Variants in PPP4R3B observed in about 807,000 individuals in gnomAD.
The protein encoded by PPP4R3B is serine/threonine-protein phosphatase 4 regulatory subunit 3B.
A neutral mutation model predicts 95.4 loss-of-function variants in PPP4R3B; 52 were observed. That is an observed-to-expected ratio of 0.54 (90% CI 0.44 to 0.69). The LOEUF (loss-of-function observed/expected upper bound fraction) is 0.69. Among genes scored for constraint, PPP4R3B ranks in the 30% least tolerant of loss-of-function variants. PPP4R3B has a pLI of 0.00. For missense variants in PPP4R3B, 1,003 were observed against 1,005.9 expected (o/e 1.00, Z 0.04); for synonymous variants, 407 against 343.9 (o/e 1.18, Z -2.03).
chr2:55,595,196 G>C (rs533245625), intron 4 of PPP4R3B, among the ~76,000 whole-genome samples: 2 of 151,738 alleles, frequency 1.3e-5, no homozygotes, highest in African/African-American at 4.8e-5. Context: ...GCTAATTTTT[G>C]TATTTTTAGT....
intron 3 of PPP4R3B, among the ~76,000 whole-genome samples, chr2:55,599,869 C>T (rs1376246005): frequency 6.6e-6 from 1 of 152,184 alleles, no homozygotes; most frequent in African/African-American, 2.4e-5. Context: ...CTTCCTCTAA[C>T]ATTTCTCCAT....
chr2:55,610,641 C>G (rs894352681), intron 2 of PPP4R3B, among the ~76,000 whole-genome samples: 1 of 152,164 alleles, frequency 6.6e-6, no homozygotes, highest in East Asian at 1.9e-4. Context: ...GCTGTATAAT[C>G]TCAGTCAAGA....
chr2:55,603,717 T>G (rs1420312500), intron 3 of PPP4R3B, among the ~76,000 whole-genome samples: 2 of 152,214 alleles, frequency 1.3e-5, no homozygotes, highest in East Asian at 1.9e-4. Context: ...TTAAAGTACT[T>G]GCCATTTTAC....
At chr2:55,615,358 TTTC>T in intron 2 of PPP4R3B, 90 bp downstream of exon 2, 1 of 942,374 alleles carries the variant, frequency 1.1e-6, no homozygotes, top group Non-Finnish European at 1.6e-6. Context: ...AACATGTTTT[TTTC>T]TTGTCAGGAA....
chr2:55,574,563 T>C (rs915137583), intron 11 of PPP4R3B, among the ~76,000 whole-genome samples: 5 of 152,148 alleles, frequency 3.3e-5, no homozygotes, highest in African/African-American at 4.8e-5. Context: ...TTTTGGCTGT[T>C]TGAATATCAA....
At chr2:55,589,175 T>G (rs370206882) in intron 4 of PPP4R3B, among the ~76,000 whole-genome samples, 37 of 152,286 alleles carry the variant, frequency 2.4e-4, no homozygotes, top group African/African-American at 8.4e-4. Context: ...ACTAAAAACC[T>G]CAACTACAAA....
chr2:55,592,043 CTG>C (rs1017521585), intron 4 of PPP4R3B, among the ~76,000 whole-genome samples: 2 of 152,012 alleles, frequency 1.3e-5, no homozygotes, highest in Admixed American at 1.3e-4. Flanking sequence ...TAAAAAAACA[CTG>C]TGGGGAAAAA....
intron 2 of PPP4R3B, among the ~76,000 whole-genome samples, chr2:55,606,013 T>C (rs1007276124): frequency 6.6e-6 from 1 of 151,306 alleles, no homozygotes; most frequent in East Asian, 1.9e-4. Flanking sequence ...AAAAATTCAG[T>C]AAGAACCTCC....
chr2:55,559,810 TG>T (rs1348531746), intron 15 of PPP4R3B, among the ~76,000 whole-genome samples: 3 of 152,144 alleles, frequency 2.0e-5, no homozygotes, highest in Non-Finnish European at 4.4e-5. Flanking sequence ...GTAACAGGAA[TG>T]TGGTACTGCT....
intron 12 of PPP4R3B, among the ~76,000 whole-genome samples, chr2:55,572,378 CATG>C (rs549287179): frequency 9.6e-4 from 146 of 152,216 alleles, no homozygotes; most frequent in Non-Finnish European, 1.7e-3. Context: ...CTCCTCAAAA[CATG>C]ATAAATTGTT....
In PPP4R3B at chr2:55,617,250, G is replaced by A. The variant is rs752679928; in HGVS notation, c.36C>T (p.Thr12=). ...CGTCCCATTGCCGGTCTTCGTTCAG[G>A]GTATAGACCTTCACTCGCCGCCGCG... ...SDTRRRVKVY[T]LNEDRQWDDR... The change falls in exon 1 of 17, where the codon ACC becomes ACT. Residue 12 remains threonine (T), a synonymous_variant. Coordinates refer to ENST00000616407, the MANE Select transcript of PPP4R3B (RefSeq NM_001122964.3). 15 of 1,609,502 alleles carry A rather than the reference G, an allele frequency of 9.3e-6. No homozygotes were observed. The highest frequency in any genetic ancestry group is 3.3e-5 in the South Asian group (3 of 90,880).
At chr2:55,612,888 G>C (rs938675298) in intron 2 of PPP4R3B, among the ~76,000 whole-genome samples, 2 of 151,636 alleles carry the variant, frequency 1.3e-5, no homozygotes, top group African/African-American at 4.8e-5. Flanking sequence ...GAAGCTTGCA[G>C]TGAGCAGAAA....
chr2:55,554,139 A>C (rs1331828998), intron 16 of PPP4R3B, among the ~76,000 whole-genome samples: 1 of 152,070 alleles, frequency 6.6e-6, no homozygotes, highest in African/African-American at 2.4e-5. Context: ...ATCTCGGCTT[A>C]TTGCAACCTC....
At chr2:55,615,857 C>CAAAAAAAAAA (rs58981030) in intron 1 of PPP4R3B, among the ~76,000 whole-genome samples, 1 of 39,064 alleles carries the variant, frequency 2.6e-5, no homozygotes, top group African/African-American at 1.8e-4. Context: ...ACTCTGTCTC[C>CAAAAAAAAAA]AAAAAAAAAA....
chr2:55,590,196 A>C (rs912754333), intron 4 of PPP4R3B, among the ~76,000 whole-genome samples: 2 of 150,372 alleles, frequency 1.3e-5, no homozygotes, highest in African/African-American at 4.9e-5. Flanking sequence ...GCATGGTGGC[A>C]CATGCCTGTA....
At chr2:55,567,966 C>T (rs1687521328) in intron 13 of PPP4R3B, 2 of 247,402 alleles carry the variant, frequency 8.1e-6, no homozygotes, top group South Asian at 1.7e-4. Context: ...TAAAAAATAT[C>T]AGTGTCAAAA....
intron 3 of PPP4R3B, among the ~76,000 whole-genome samples, chr2:55,600,672 A>G (rs995734533): frequency 1.3e-5 from 2 of 152,136 alleles, no homozygotes; most frequent in South Asian, 2.1e-4. Flanking sequence ...GTTGTACAGT[A>G]AAGAGTTAAC....
chr2:55,610,147 T>C (rs1262768687), intron 2 of PPP4R3B, among the ~76,000 whole-genome samples: 1 of 152,202 alleles, frequency 6.6e-6, no homozygotes, highest in Non-Finnish European at 1.5e-5. Flanking sequence ...ATTTACTAAA[T>C]TTTCCAGCAC....
rs1375489793 is a variant in PPP4R3B at position 55,558,222 on chromosome 2, T to C, written c.2454+553A>G. 2.0e-5 allele frequency among the ~76,000 whole-genome samples: 3 copies of C among 152,228 alleles called. No individual in the cohort carries two copies. The East Asian group carries it at 5.8e-4, about 29-fold the overall frequency. Reference sequence around the variant, plus strand: ...GTGAAGACGTTCTACTACTAAACTATCCAAGAAAATAATTTAAAATGCAGT... The same window carrying C: ...GTGAAGACGTTCTACTACTAAACTACCCAAGAAAATAATTTAAAATGCAGT... On this transcript the variant is annotated intron_variant, in intron 16 of 16. Coordinates refer to ENST00000616407, the MANE Select transcript of PPP4R3B (RefSeq NM_001122964.3).
Sources: gnomAD v4.1 joint callset for allele counts (sites outside exome capture counted in the v4.1 genomes callset) on GRCh38, gnomAD v4.1.1 for gene constraint, MANE v1.5 for transcripts, NCBI Gene and HGNC (gene_info 2026-07-23, HGNC 2026-07-21) for gene names.